The following ZNF514 variants were observed in gnomAD, a reference collection of about 807,000 sequenced individuals.
ZNF514 encodes zinc finger protein 514.
In ZNF514, 12 loss-of-function variants were observed where a neutral mutation model predicts 9.7. The ratio of observed to expected loss-of-function variants is 1.24; its 90% CI spans 0.79 to 2.01. ZNF514 has a LOEUF of 2.01. Ranked by LOEUF, ZNF514 falls within the 30% of genes most tolerant of loss-of-function variation. ZNF514 has a pLI of 0.00. For synonymous variants in ZNF514, 158 were observed against 163.7 expected (o/e 0.97, Z 0.27); for missense variants, 467 against 465.5 (o/e 1.00, Z -0.03).
intron 1 of ZNF514, among the ~76,000 whole-genome samples, chr2:95,157,795 A>ATCC (rs2104477898): frequency 6.6e-6 from 1 of 152,334 alleles, no homozygotes; most frequent in South Asian, 2.1e-4. Context: ...GGAACTTTAA[A>ATCC]TCTAGCCTAC....
rs1465213518 is a variant in ZNF514, at chr2:95,145,166, C to T, written c.*4116G>A. Among the ~76,000 whole-genome samples, 1 of 152,142 alleles carries T rather than the reference C, an allele frequency of 6.6e-6. No homozygotes were observed. Among genetic ancestry groups the T allele is most frequent in the Non-Finnish European group, 1.5e-5 (1 of 68,040 alleles). Reference sequence around the variant, plus strand: ...GTCTATGTAAGTCAAAAATAAAATTCTAAGCACACAACCAACTGAATCGAC... The same window carrying T: ...GTCTATGTAAGTCAAAAATAAAATTTTAAGCACACAACCAACTGAATCGAC... On this transcript the variant is annotated 3_prime_UTR_variant, in exon 5 of 5. Coordinates refer to ENST00000295208, the MANE Select transcript of ZNF514 (RefSeq NM_032788.3).
downstream of ZNF514, among the ~76,000 whole-genome samples, chr2:95,140,909 C>T (rs1380694584): frequency 2.7e-5 from 4 of 149,794 alleles, no homozygotes; most frequent in Non-Finnish European, 4.4e-5. Flanking sequence ...CGGGAGGTGG[C>T]GGTGGCAGTG....
rs566148523 is a variant in ZNF514, at chr2:95,148,068, G to A, written c.*1214C>T. On this transcript the variant is annotated 3_prime_UTR_variant, in exon 5 of 5. Transcript: ENST00000295208. The stretch of plus-strand genomic sequence containing the variant: ...ACCACTCCATTGCCTCACAAAGAAA[G>A]GTAACATGTGCTACAGAGAAAGAAG... The A allele has an allele frequency of 2.0e-5, 3 of 152,296 alleles. No homozygotes were observed. Among genetic ancestry groups the A allele is most frequent in the African/African-American group, 7.2e-5 (3 of 41,548 alleles). 9.4% of individuals were successfully genotyped at this position (152,296 alleles called of 1,614,324 possible).
At chr2:95,141,717 CA>C (rs1214441044), downstream of ZNF514, among the ~76,000 whole-genome samples, 2 of 152,046 alleles carry the variant, frequency 1.3e-5, no homozygotes, top group African/African-American at 4.8e-5. Flanking sequence ...GTACCATTAG[CA>C]AAAAATACAG....
the ZNF514 span, among the ~76,000 whole-genome samples, chr2:95,130,823 G>C: frequency 3.3e-5 from 5 of 152,118 alleles, no homozygotes. Flanking sequence ...CAGGGTCCTG[G>C]AACGATATAC....
At chr2:95,154,436 T>C in intron 2 of ZNF514, 1 of 152,252 alleles carries the variant, frequency 6.6e-6, no homozygotes, top group Non-Finnish European at 1.5e-5. Flanking sequence ...CAAAAATAGA[T>C]GACACTGGCA....
At chr2:95,151,094 T>A (rs926801295) in intron 4 of ZNF514, among the ~76,000 whole-genome samples, 1 of 152,120 alleles carries the variant, frequency 6.6e-6, no homozygotes, top group Non-Finnish European at 1.5e-5. Context: ...GAAGAGAAAC[T>A]CTCCCCTAAA....
rs1213508851 is a variant in ZNF514 at position 95,148,030 on chromosome 2, TG to T, written c.*1251del. 2 of 152,234 alleles carry T rather than the reference TG, an allele frequency of 1.3e-5. No homozygotes were observed. Among genetic ancestry groups the T allele is most frequent in the African/African-American group, 4.8e-5 (2 of 41,452 alleles). 9.4% of individuals were successfully genotyped at this position (152,234 alleles called of 1,614,324 possible). On this transcript the variant is annotated 3_prime_UTR_variant, in exon 5 of 5. Coordinates refer to ENST00000295208, the MANE Select transcript of ZNF514 (RefSeq NM_032788.3). ...TAAAGATGTAACAAAAATTGCTTTT[TG>T]CTCAATCCTAGACCACTCCATTGCC...
Position 95,149,132 on chromosome 2 carries a change from A to T in ZNF514, c.*150T>A. 2.0e-6 allele frequency: 2 copies of T among 993,612 alleles called. No homozygotes were observed. Among genetic ancestry groups the T allele is most frequent in the Non-Finnish European group, 2.9e-6 (2 of 695,246 alleles). 61.5% of individuals were successfully genotyped at this position (993,612 alleles called of 1,614,324 possible). A position where few individuals can be genotyped will look rare whatever the true frequency, so the allele number is the denominator to read the frequency against. The stretch of plus-strand genomic sequence containing the variant: ...AAGCCCACCCCCTCTTGACATTGAC[A>T]GGGATTCTCTTTAGTAATTATTGCC... On this transcript the variant is annotated 3_prime_UTR_variant, in exon 5 of 5. Transcript: ENST00000295208.
In ZNF514 at chr2:95,153,136, G is replaced by A. The variant is rs1489338133; in HGVS notation, c.118C>T (p.Leu40=). ...GCTTTGGAGGGCTTGTGCTCACCCA[G>A]AATGGCCAAGTTCCTGAAGTTCTCC... ...MLENFRNLAI[L]GLLVSKPYVI... is the part of the protein sequence containing the mutation. Residue 40 remains leucine (L), a synonymous_variant, in exon 3 of 5, where the codon CTG becomes TTG. Transcript: ENST00000295208. 1.9e-6 allele frequency: 3 copies of A among 1,611,840 alleles called. No individual in the cohort carries two copies. The highest frequency in any genetic ancestry group is 2.5e-6 in the Non-Finnish European group (3 of 1,178,242).
chr2:95,156,459 G>A (rs1445175822), intron 2 of ZNF514, among the ~76,000 whole-genome samples: 2 of 152,108 alleles, frequency 1.3e-5, no homozygotes, highest in Non-Finnish European at 2.9e-5. Flanking sequence ...ATGTAAAATT[G>A]GGGTCCCTTC....
intron 2 of ZNF514, 38 bp from the exon 3 acceptor site, chr2:95,153,297 C>T (rs1673595470): frequency 1.9e-6 from 3 of 1,588,960 alleles, no homozygotes; most frequent in East Asian, 4.5e-5. Flanking sequence ...CACTTATATG[C>T]TTATCAATAT....
chr2:95,156,126 A>C (rs1255159154), intron 2 of ZNF514, among the ~76,000 whole-genome samples: 1 of 152,252 alleles, frequency 6.6e-6, no homozygotes, highest in Non-Finnish European at 1.5e-5. Context: ...TTTAACTGCT[A>C]TTTATGACTT....
intron 4 of ZNF514, among the ~76,000 whole-genome samples, chr2:95,151,290 G>GTAAACCATTGTTGGCTTTGA (rs1400882584): frequency 6.6e-6 from 1 of 152,194 alleles, no homozygotes; most frequent in East Asian, 1.9e-4. Context: ...AGAAAGATGT[G>GTAAACCATTGTTGGCTTTGA]TAAACCATTG....
At chr2:95,133,037 C>T in the ZNF514 span, among the ~76,000 whole-genome samples, 1 of 152,138 alleles carries the variant, frequency 6.6e-6, no homozygotes, top group African/African-American at 2.4e-5. Flanking sequence ...TGGAAACATC[C>T]CATGCATCTT....
Position 95,159,036 on chromosome 2 carries a change from G to C in ZNF514, c.-96+204C>G, listed in dbSNP as rs115105688. The C allele has an allele frequency of 1.1e-3, 1,387 of 1,248,030 alleles. 14 individuals carry two copies. In the African/African-American group the frequency reaches 0.019, roughly 17 times the overall value. The allele number at this position is 1,248,030 out of a possible 1,614,324, so 77.3% of individuals were successfully genotyped here. A position where few individuals can be genotyped will look rare whatever the true frequency, so the allele number is the denominator to read the frequency against. ...CACTAGGTCCAAATCTCTGTCTTTC[G>C]GCCACAGCCCTGTGGTCCTCCCGAG... On this transcript the variant is annotated intron_variant, in intron 1 of 4. Coordinates refer to ENST00000295208, the MANE Select transcript of ZNF514 (RefSeq NM_032788.3).
the ZNF514 span, among the ~76,000 whole-genome samples, chr2:95,123,644 A>G: frequency 5.3e-5 from 8 of 152,306 alleles, no homozygotes; most frequent in Admixed American, 3.9e-4. Flanking sequence ...GAGAGAGAAG[A>G]TCATGTAGCT....
At position 95,149,187 on chromosome 2, in the gene ZNF514, ATACAT is replaced by A. The variant is rs1482663840; in HGVS notation, c.*90_*94del. The A allele has an allele frequency of 7.0e-6, 10 of 1,422,418 alleles. No individual in the cohort carries two copies. Among genetic ancestry groups the A allele is most frequent in the African/African-American group, 1.4e-5 (1 of 69,950 alleles). 88.1% of individuals were successfully genotyped at this position (1,422,418 alleles called of 1,614,324 possible). On this transcript the variant is annotated 3_prime_UTR_variant, in exon 5 of 5. Coordinates refer to ENST00000295208, the MANE Select transcript of ZNF514 (RefSeq NM_032788.3). Reference sequence around the variant, plus strand: ...GTGGAACAAGATGTGGTCTTCCCACATACATTACACCTTTAGGATCTCTCTCTGAT... The same window carrying A: ...GTGGAACAAGATGTGGTCTTCCCACATACACCTTTAGGATCTCTCTCTGAT...
In ZNF514 at chr2:95,149,915, C is replaced by G. The variant is rs370626840; in HGVS notation, c.570G>C (p.Gly190=). 1 of 1,614,166 alleles carries G rather than the reference C, an allele frequency of 6.2e-7. No homozygotes were observed. The highest frequency in any genetic ancestry group is 8.5e-7 in the Non-Finnish European group (1 of 1,180,042). The change falls in exon 5 of 5, where the codon GGG becomes GGC. Residue 190 remains glycine (G), a synonymous_variant. Coordinates refer to ENST00000295208, the MANE Select transcript of ZNF514 (RefSeq NM_032788.3). ...KCDTEFRQTL[G]GNNSQRTHPE... ...GGTGGGTTCTCTGAGAGTTGTTTCCCCCTAAAGTCTGCCTGAATTCTGTAT... is the reference window on the plus strand; with the variant it reads ...GGTGGGTTCTCTGAGAGTTGTTTCCGCCTAAAGTCTGCCTGAATTCTGTAT...
Sources: gnomAD v4.1 joint callset for allele counts (sites outside exome capture counted in the v4.1 genomes callset) on GRCh38, gnomAD v4.1.1 for gene constraint, MANE v1.5 for transcripts, NCBI Gene and HGNC (gene_info 2026-07-23, HGNC 2026-07-21) for gene names.